The following PEA15 variants were observed in gnomAD, a reference collection of about 807,000 sequenced individuals.
The protein encoded by PEA15 is proliferation and apoptosis adaptor protein 15, also known as astrocytic phosphoprotein PEA-15.
For missense variants in PEA15, 77 were observed against 161.3 expected (o/e 0.48, Z 2.83); for synonymous variants, 60 against 61.8 (o/e 0.97, Z 0.13).
At chr1:160,211,335 C>G (rs1465947597) in intron 1 of PEA15, 4 of 1,267,600 alleles carry the variant, frequency 3.2e-6, no homozygotes, top group Non-Finnish European at 2.0e-6. Flanking sequence ...TCACTCTAGG[C>G]TCCAGCCTGG....
rs17551437 is a variant in PEA15, at chr1:160,205,420, A to AGCGGCGGCG, written c.-94_-86dup. On this transcript the variant is annotated 5_prime_UTR_variant, in exon 1 of 4. Transcript: ENST00000360472. This position sits in a 1 kb window ranked among gnomAD's most constrained non-coding sequence, Gnocchi z 5.9. ...CGGAAGAGGCGGCGGCGGCGGCAGAAGCGGCGGCGGCGGCGGCGGGAGCCG... is the reference window on the plus strand; with the variant it reads ...CGGAAGAGGCGGCGGCGGCGGCAGAAGCGGCGGCGGCGGCGGCGGCGGCGGCGGGAGCCG... 2 of 182,312 alleles carry AGCGGCGGCG rather than the reference A, an allele frequency of 1.1e-5. No individual in the cohort carries two copies. Among genetic ancestry groups the AGCGGCGGCG allele is most frequent in the Non-Finnish European group, 2.2e-5 (2 of 91,592 alleles). 11.3% of individuals were successfully genotyped at this position (182,312 alleles called of 1,614,324 possible). A position where few individuals can be genotyped will look rare whatever the true frequency, so the allele number is the denominator to read the frequency against.
chr1:160,212,349 G>A (rs1414880569), intron 2 of PEA15, among the ~76,000 whole-genome samples: 2 of 152,040 alleles, frequency 1.3e-5, no homozygotes, highest in Non-Finnish European at 2.9e-5. Flanking sequence ...AGTCCTGCTT[G>A]GCTTGACTAG....
rs1654707539 is a variant in PEA15 at position 160,208,593 on chromosome 1, G to A, written c.-2-2950G>A. On this transcript the variant is annotated intron_variant, in intron 1 of 3. Transcript: ENST00000360472. The surrounding 1 kb of genome is among the most constrained non-coding windows in gnomAD (Gnocchi z 4.1). Reference sequence around the variant, plus strand: ...CCCTAAGGAAATCTGAATCTCTGGTGAGGAAAGTGACATGGAGGATGAAGG... The same window carrying A: ...CCCTAAGGAAATCTGAATCTCTGGTAAGGAAAGTGACATGGAGGATGAAGG... The A allele has an allele frequency of 6.5e-7, 1 of 1,550,256 alleles. No homozygotes were observed. Among genetic ancestry groups the A allele is most frequent in the Non-Finnish European group, 8.7e-7 (1 of 1,146,684 alleles).
At position 160,213,287 on chromosome 1, in the gene PEA15, T is replaced by A. The variant is rs778184747; in HGVS notation, c.328+22T>A. ...AAAGGTAAGCGGCCACTCCTTTAAC[T>A]AGCTGCACCTCTGCCTCGTCCCGTT... On this transcript the variant is annotated intron_variant, in intron 3 of 3. Coordinates refer to ENST00000360472, the MANE Select transcript of PEA15 (RefSeq NM_003768.5). The surrounding 1 kb of genome is among the most constrained non-coding windows in gnomAD (Gnocchi z 5.3). 2 of 1,614,104 alleles carry A rather than the reference T, an allele frequency of 1.2e-6. No individual in the cohort carries two copies. Among genetic ancestry groups the A allele is most frequent in the Middle Eastern group, 3.3e-4 (2 of 6,062 alleles).
intron 2 of PEA15, among the ~76,000 whole-genome samples, chr1:160,212,044 G>A (rs1034192771): frequency 1.3e-5 from 2 of 152,178 alleles, no homozygotes; most frequent in African/African-American, 4.8e-5. Context: ...GGGAGAACTC[G>A]AAGTGTAATC....
intron 1 of PEA15, among the ~76,000 whole-genome samples, chr1:160,210,136 T>C (rs941992656): frequency 9.8e-5 from 15 of 152,316 alleles, no homozygotes; most frequent in African/African-American, 3.1e-4. Context: ...GTATCTCTTA[T>C]TTTGTGACCA....
Position 160,213,617 on chromosome 1 carries a change from CGCGTGTGTGT to C in PEA15, c.*139_*148del, listed in dbSNP as rs1219667295. ...ACCTGGTCCTAACCCCCTTACTGTG[CGCGTGTGTGT>C]GCGTGTGCGCACGCTCTGGCTGTTT... is the stretch of plus-strand genomic sequence containing the variant. On this transcript the variant is annotated 3_prime_UTR_variant, in exon 4 of 4. Coordinates refer to ENST00000360472, the MANE Select transcript of PEA15 (RefSeq NM_003768.5). The surrounding 1 kb of genome is among the most constrained non-coding windows in gnomAD (Gnocchi z 5.3). 5.6e-6 allele frequency: 3 copies of C among 540,242 alleles called. No individual in the cohort carries two copies. The highest frequency in any genetic ancestry group is 4.0e-5 in the African/African-American group (2 of 49,812). 33.5% of individuals were successfully genotyped at this position (540,242 alleles called of 1,614,324 possible).
chr1:160,212,632 C>A (rs190420663), intron 2 of PEA15, among the ~76,000 whole-genome samples: 1 of 152,064 alleles, frequency 6.6e-6, no homozygotes, highest in Non-Finnish European at 1.5e-5. Flanking sequence ...CTGGTGGTGT[C>A]CATACCTTCT....
In PEA15 at chr1:160,208,223, C is replaced by G. The variant is rs1302603384; in HGVS notation, c.-3+2701C>G. 1 of 177,064 alleles carries G rather than the reference C, an allele frequency of 5.6e-6. No individual in the cohort carries two copies. Among genetic ancestry groups the G allele is most frequent in the African/African-American group, 2.4e-5 (1 of 42,426 alleles). 11.0% of individuals were successfully genotyped at this position (177,064 alleles called of 1,614,324 possible). On this transcript the variant is annotated intron_variant, in intron 1 of 3. Coordinates refer to ENST00000360472, the MANE Select transcript of PEA15 (RefSeq NM_003768.5). This position sits in a 1 kb window ranked among gnomAD's most constrained non-coding sequence, Gnocchi z 4.1. Reference sequence around the variant, plus strand: ...AGTGCCCATGGAGCTCCCACCTGTCCCACCCTAAAAGGTCAGTATATAATG... The same window carrying G: ...AGTGCCCATGGAGCTCCCACCTGTCGCACCCTAAAAGGTCAGTATATAATG...
At chr1:160,210,078 G>A (rs1181565947) in intron 1 of PEA15, among the ~76,000 whole-genome samples, 1 of 152,194 alleles carries the variant, frequency 6.6e-6, no homozygotes, top group Non-Finnish European at 1.5e-5. Context: ...AGGGAGGCTT[G>A]TTTATTCTGG....
At chr1:160,206,175 C>T (rs1278262269) in intron 1 of PEA15, 1 of 152,368 alleles carries the variant, frequency 6.6e-6, no homozygotes, top group East Asian at 1.9e-4. Context: ...CACAAACGTC[C>T]CTGGACTACG....
chr1:160,209,772 T>A (rs1288144504), intron 1 of PEA15, among the ~76,000 whole-genome samples: 1 of 152,056 alleles, frequency 6.6e-6, no homozygotes, highest in Non-Finnish European at 1.5e-5. Context: ...CCCCTCCCCA[T>A]CATCCCCCTC....
Position 160,213,721 on chromosome 1 carries a change from TGA to T in PEA15, c.*237_*238del, listed in dbSNP as rs1351543385. On this transcript the variant is annotated 3_prime_UTR_variant, in exon 4 of 4. Coordinates refer to ENST00000360472, the MANE Select transcript of PEA15 (RefSeq NM_003768.5). The surrounding 1 kb of genome is among the most constrained non-coding windows in gnomAD (Gnocchi z 5.3). ...GGGGTCAGGGGCTAGGGGAGGGGGC[TGA>T]GTTTCCCCACTTTAGGAGGAGGTGG... is the stretch of plus-strand genomic sequence containing the variant. 1.4e-5 allele frequency: 7 copies of T among 489,820 alleles called. No homozygotes were observed. Among genetic ancestry groups the T allele is most frequent in the Non-Finnish European group, 3.7e-6 (1 of 268,894 alleles). 30.3% of individuals were successfully genotyped at this position (489,820 alleles called of 1,614,324 possible). A position where few individuals can be genotyped will look rare whatever the true frequency, so the allele number is the denominator to read the frequency against.
In PEA15 at chr1:160,213,401, C is replaced by T. The variant is rs764539001; in HGVS notation, c.329-21C>T. 10 of 1,613,866 alleles carry T rather than the reference C, an allele frequency of 6.2e-6. No individual in the cohort carries two copies. Among genetic ancestry groups the T allele is most frequent in the Non-Finnish European group, 8.5e-6 (10 of 1,179,842 alleles). On this transcript the variant is annotated intron_variant, in intron 3 of 3. Coordinates refer to ENST00000360472, the MANE Select transcript of PEA15 (RefSeq NM_003768.5). This position sits in a 1 kb window ranked among gnomAD's most constrained non-coding sequence, Gnocchi z 5.3. Reference sequence around the variant, plus strand: ...CATCTCCCACACTGCTGTCCCTGGACACATACCTTTTTGCCCCCAGACATT... The same window carrying T: ...CATCTCCCACACTGCTGTCCCTGGATACATACCTTTTTGCCCCCAGACATT...
At chr1:160,212,694 TAG>T (rs946827104) in intron 2 of PEA15, among the ~76,000 whole-genome samples, 10 of 146,374 alleles carry the variant, frequency 6.8e-5, no homozygotes, top group African/African-American at 2.3e-4. Context: ...CTGGGTTGCC[TAG>T]AGATTCCACC....
At position 160,205,741 on chromosome 1, in the gene PEA15, C is replaced by T. The variant is rs1654544217; in HGVS notation, c.-3+219C>T. On this transcript the variant is annotated intron_variant, in intron 1 of 3. Coordinates refer to ENST00000360472, the MANE Select transcript of PEA15 (RefSeq NM_003768.5). This position sits in a 1 kb window ranked among gnomAD's most constrained non-coding sequence, Gnocchi z 5.9. ...CGGCGTGGCTCCGGCCAGCCCGTTC[C>T]ACGCTGAACGGCAGTTTGGGAGTCG... 6.6e-6 allele frequency: 1 copy of T among 152,412 alleles called. No homozygotes were observed. The highest frequency in any genetic ancestry group is 1.9e-4 in the East Asian group (1 of 5,182). 9.4% of individuals were successfully genotyped at this position (152,412 alleles called of 1,614,324 possible). A position where few individuals can be genotyped will look rare whatever the true frequency, so the allele number is the denominator to read the frequency against.
At position 160,214,805 on chromosome 1, in the gene PEA15, G is replaced by A. The variant is rs1655039720; in HGVS notation, c.*1319G>A. 1 of 152,596 alleles carries A rather than the reference G, an allele frequency of 6.6e-6. No individual in the cohort carries two copies. Among genetic ancestry groups the A allele is most frequent in the South Asian group, 2.1e-4 (1 of 4,828 alleles). The allele number at this position is 152,596 out of a possible 1,614,324, so 9.5% of individuals were successfully genotyped here. A position where few individuals can be genotyped will look rare whatever the true frequency, so the allele number is the denominator to read the frequency against. On this transcript the variant is annotated 3_prime_UTR_variant, in exon 4 of 4. Coordinates refer to ENST00000360472, the MANE Select transcript of PEA15 (RefSeq NM_003768.5). ...CATTAAATTCACATGCAGTCTCAGA[G>A]ACTATTTAGACAAAGTTCAAGTTAG...
intron 1 of PEA15, among the ~76,000 whole-genome samples, chr1:160,209,793 C>G (rs888064136): frequency 6.6e-6 from 1 of 152,182 alleles, no homozygotes; most frequent in African/African-American, 2.4e-5. Flanking sequence ...ACCCGTACCC[C>G]CCTCCTTCTG....
Position 160,208,368 on chromosome 1 carries a change from G to A in PEA15, c.-3+2846G>A, listed in dbSNP as rs146769931. On this transcript the variant is annotated intron_variant, in intron 1 of 3. Transcript: ENST00000360472. This position sits in a 1 kb window ranked among gnomAD's most constrained non-coding sequence, Gnocchi z 4.1. ...GGAAGGAAGGAAGGTGTGAGGAAGC[G>A]GTGAGCCTAGCACAGAAAGCTGGGA... 1,049 of 540,022 alleles carry A rather than the reference G, an allele frequency of 1.9e-3. 9 individuals are homozygous for A. The highest frequency in any genetic ancestry group is 0.017 in the African/African-American group (901 of 52,830). 33.5% of individuals were successfully genotyped at this position (540,022 alleles called of 1,614,324 possible). A position where few individuals can be genotyped will look rare whatever the true frequency, so the allele number is the denominator to read the frequency against.
Sources: allele counts gnomAD v4.1 joint callset (sites outside exome capture counted in the v4.1 genomes callset), GRCh38; gene constraint gnomAD v4.1.1; non-coding constraint Gnocchi (gnomAD v3.1); transcripts MANE v1.5; gene names NCBI Gene and HGNC (gene_info 2026-07-23, HGNC 2026-07-21).